The following EEPD1 variants were observed in gnomAD, a reference collection of about 807,000 sequenced individuals.
EEPD1 encodes the protein endonuclease/exonuclease/phosphatase family domain containing 1, also known as endonuclease/exonuclease/phosphatase family domain-containing protein 1.
A neutral mutation model predicts 46.3 loss-of-function variants in EEPD1; 17 were observed. The ratio of observed to expected loss-of-function variants is 0.37; its 90% confidence interval spans 0.25 to 0.55. The LOEUF is 0.55. Ranked by LOEUF, EEPD1 falls within the 20% of genes least tolerant of loss-of-function variation. EEPD1 has a pLI of 0.83. For missense variants in EEPD1, 673 were observed against 745.6 expected (o/e 0.90, Z 1.13); for synonymous variants, 313 against 315.6 (o/e 0.99, Z 0.09).
At chr7:36,247,274 G>T (rs1212319800) in intron 3 of EEPD1, among the ~76,000 whole-genome samples, 3 of 152,192 alleles carry the variant, frequency 2.0e-5, no homozygotes, top group African/African-American at 7.2e-5. Flanking sequence ...TCACATAGAT[G>T]TGTGTGAATA....
intron 2 of EEPD1, among the ~76,000 whole-genome samples, chr7:36,224,486 C>A (rs930135629): frequency 6.6e-6 from 1 of 152,170 alleles, no homozygotes; most frequent in Admixed American, 6.5e-5. Context: ...AAAGCAAGAG[C>A]TTCTGTAGAC....
At chr7:36,157,319 G>A (rs889853044) in intron 2 of EEPD1, among the ~76,000 whole-genome samples, 1 of 152,278 alleles carries the variant, frequency 6.6e-6, no homozygotes, top group South Asian at 2.1e-4. Context: ...CTGACCAAGC[G>A]TTGAGGAGCT....
At chr7:36,194,091 C>T (rs1785532935) in intron 2 of EEPD1, among the ~76,000 whole-genome samples, 1 of 152,192 alleles carries the variant, frequency 6.6e-6, no homozygotes, top group Non-Finnish European at 1.5e-5. Flanking sequence ...AAAAGAAGAC[C>T]TAGTCCATCT....
At chr7:36,213,574 C>T (rs1396315161) in intron 2 of EEPD1, among the ~76,000 whole-genome samples, 3 of 152,034 alleles carry the variant, frequency 2.0e-5, no homozygotes, top group Non-Finnish European at 4.4e-5. Context: ...TAGAGGAGGT[C>T]GGAAAGAGCA....
At chr7:36,270,970 T>G (rs1314038385) in intron 3 of EEPD1, among the ~76,000 whole-genome samples, 1 of 140,882 alleles carries the variant, frequency 7.1e-6, no homozygotes, top group Non-Finnish European at 1.5e-5. Context: ...AAGCTATTGT[T>G]TCCTTTTTAT....
At chr7:36,229,823 G>A (rs62445443) in intron 2 of EEPD1, among the ~76,000 whole-genome samples, 1 of 152,202 alleles carries the variant, frequency 6.6e-6, no homozygotes, top group African/African-American at 2.4e-5. Context: ...GTTTCCAGCT[G>A]CTAATTGTTG....
At chr7:36,239,271 T>G (rs1786511674) in intron 3 of EEPD1, among the ~76,000 whole-genome samples, 1 of 152,134 alleles carries the variant, frequency 6.6e-6, no homozygotes, top group Admixed American at 6.5e-5. Flanking sequence ...GTGCAGGTTG[T>G]GTGAAAGGCA....
chr7:36,292,018 C>A (rs889827486), intron 6 of EEPD1, among the ~76,000 whole-genome samples: 1 of 152,200 alleles, frequency 6.6e-6, no homozygotes, highest in African/African-American at 2.4e-5. Context: ...GAAAACCTTT[C>A]CCCCTTGGCC....
intron 2 of EEPD1, among the ~76,000 whole-genome samples, chr7:36,231,627 C>T (rs577126443): frequency 6.6e-6 from 1 of 152,192 alleles, no homozygotes; most frequent in Non-Finnish European, 1.5e-5. Context: ...TTGTGGAGGG[C>T]AGGAACTGTG....
At chr7:36,159,170 T>A (rs1450763266) in intron 2 of EEPD1, among the ~76,000 whole-genome samples, 1 of 152,268 alleles carries the variant, frequency 6.6e-6, no homozygotes, top group Admixed American at 6.5e-5. Context: ...GTATTGAATG[T>A]CTGCTGTGTG....
At chr7:36,203,434 C>G (rs959568832) in intron 2 of EEPD1, among the ~76,000 whole-genome samples, 2 of 152,196 alleles carry the variant, frequency 1.3e-5, no homozygotes, top group Non-Finnish European at 2.9e-5. Flanking sequence ...AAATTAACAC[C>G]TGCCCGGTTT....
chr7:36,259,218 T>G (rs1045419546), intron 3 of EEPD1, among the ~76,000 whole-genome samples: 15 of 152,186 alleles, frequency 9.9e-5, no homozygotes, highest in African/African-American at 3.1e-4. Context: ...GTACCTCAGT[T>G]GGAAATGCAG....
At chr7:36,169,931 T>C (rs928005741) in intron 2 of EEPD1, among the ~76,000 whole-genome samples, 2 of 152,200 alleles carry the variant, frequency 1.3e-5, no homozygotes, top group Non-Finnish European at 2.9e-5. Flanking sequence ...ATATAATGGA[T>C]AGTATGCCAG....
chr7:36,196,337 C>T (rs1196408215), intron 2 of EEPD1, among the ~76,000 whole-genome samples: 11 of 151,922 alleles, frequency 7.2e-5, no homozygotes, highest in African/African-American at 1.7e-4. Flanking sequence ...GTTAGGATGA[C>T]GACAACATCA....
chr7:36,209,697 TG>T (rs1266278369), intron 2 of EEPD1, among the ~76,000 whole-genome samples: 13 of 152,152 alleles, frequency 8.5e-5, no homozygotes, highest in Non-Finnish European at 4.4e-5. Flanking sequence ...ATGTGGTTTC[TG>T]GGCAGATCTC....
At chr7:36,237,287 A>G (rs1786471112) in intron 2 of EEPD1, among the ~76,000 whole-genome samples, 1 of 152,224 alleles carries the variant, frequency 6.6e-6, no homozygotes, top group Non-Finnish European at 1.5e-5. Flanking sequence ...CCACGGCTTC[A>G]TTCTTGAAGT....
intron 2 of EEPD1, among the ~76,000 whole-genome samples, chr7:36,168,404 T>G (rs1218062621): frequency 6.6e-6 from 1 of 152,168 alleles, no homozygotes; most frequent in Non-Finnish European, 1.5e-5. Flanking sequence ...GCCCAAACTC[T>G]TTTAGATGCA....
At chr7:36,194,998 A>G (rs1310241037) in intron 2 of EEPD1, among the ~76,000 whole-genome samples, 2 of 152,188 alleles carry the variant, frequency 1.3e-5, no homozygotes, top group Admixed American at 6.5e-5. Context: ...ACAGAGCTCC[A>G]ATTTCCAGCC....
At chr7:36,160,676 T>TGGGGGGGGGGGGGGGGGGGG (rs150571892) in intron 2 of EEPD1, among the ~76,000 whole-genome samples, 3 of 36,538 alleles carry the variant, frequency 8.2e-5, no homozygotes, top group Non-Finnish European at 1.3e-4. Context: ...TGGGAGGTGG[T>TGGGGGGGGGGGGGGGGGGGG]GGGGGGCGGG....
Sources: allele counts gnomAD v4.1 joint callset (sites outside exome capture counted in the v4.1 genomes callset), GRCh38; gene constraint gnomAD v4.1.1; transcripts MANE v1.5; gene names NCBI Gene and HGNC (gene_info 2026-07-23, HGNC 2026-07-21).